The following DOCK4 variants were observed in gnomAD, a reference collection of about 807,000 sequenced individuals.
DOCK4 encodes the protein dedicator of cytokinesis 4, also known as dedicator of cytokinesis protein 4.
A neutral mutation model predicts 268.1 loss-of-function variants in DOCK4; 97 were observed. The observed-to-expected ratio is 0.36, with a 90% CI of 0.31 to 0.43. The LOEUF (loss-of-function observed/expected upper bound fraction) is 0.43. Among genes scored for constraint, DOCK4 ranks in the 20% least tolerant of loss-of-function variants. The pLI is 1.00. For synonymous variants in DOCK4, 954 were observed against 887.2 expected (o/e 1.08, Z -1.34); for missense variants, 2,145 against 2,455.7 (o/e 0.87, Z 2.67).
intron 1 of DOCK4, among the ~76,000 whole-genome samples, chr7:112,106,182 T>C (rs1438598317): frequency 6.6e-6 from 1 of 152,182 alleles, no homozygotes; most frequent in Non-Finnish European, 1.5e-5. Flanking sequence ...TAAATACAAG[T>C]CCTTTAGGCA....
intron 12 of DOCK4, among the ~76,000 whole-genome samples, chr7:111,918,690 ACATCATTACCAT>A (rs1274398334): frequency 6.6e-6 from 1 of 152,070 alleles, no homozygotes; most frequent in Non-Finnish European, 1.5e-5. Context: ...ATACTCACCC[ACATCATTACCAT>A]CATCATTAGC....
rs1292475415 is a variant in DOCK4 at position 112,116,312 on chromosome 7, C to T, written c.37+89790G>A. Among the ~76,000 whole-genome samples the T allele has an allele frequency of 3.3e-5, 5 of 152,152 alleles. No homozygotes were observed. The East Asian group carries it at 5.8e-4, about 18-fold the overall frequency. On this transcript the variant is annotated intron_variant, in intron 1 of 52. Transcript: ENST00000428084. ...ATTTCAATTGGCATAATGTTTTCAA[C>T]GTTCATTCAAGTTGTAGTATGTATC...
intron 12 of DOCK4, among the ~76,000 whole-genome samples, chr7:111,918,381 G>T (rs1030828442): frequency 2.0e-5 from 3 of 152,160 alleles, no homozygotes; most frequent in Non-Finnish European, 2.9e-5. Context: ...TCTGAGTTAG[G>T]TGACCGATGA....
At chr7:111,934,812 T>C (rs1794592168) in intron 12 of DOCK4, among the ~76,000 whole-genome samples, 1 of 151,662 alleles carries the variant, frequency 6.6e-6, no homozygotes, top group African/African-American at 2.4e-5. Context: ...GTGCTGGGAT[T>C]ACAGGCGTGA....
intron 52 of DOCK4, among the ~76,000 whole-genome samples, 194 bp downstream of exon 52, chr7:111,732,032 C>T (rs1795125035): frequency 6.6e-6 from 1 of 152,220 alleles, no homozygotes; most frequent in South Asian, 2.1e-4. Flanking sequence ...AAACAAATGG[C>T]TGCGTTTGTG....
rs111659073 is a variant in DOCK4, at chr7:111,807,473, C to CT, written c.3166+1347dup. 5.2e-3 allele frequency: 726 copies of CT among 140,296 alleles called. 3 individuals are homozygous for CT. The highest frequency in any genetic ancestry group is 0.011 in the Admixed American group (146 of 13,824). The allele number at this position is 140,296 out of a possible 1,614,324, so 8.7% of individuals were successfully genotyped here. On this transcript the variant is annotated intron_variant, in intron 30 of 52. Transcript: ENST00000428084. ...GAAGGTTGTTTTCAAGATGATAACT[C>CT]TTTTTTTTTTTTTTTTGAGTCAGAG...
chr7:111,861,301 T>G (rs1408392919), intron 23 of DOCK4, among the ~76,000 whole-genome samples: 1 of 151,824 alleles, frequency 6.6e-6, no homozygotes, highest in Non-Finnish European at 1.5e-5. Flanking sequence ...TTGTTTGAAG[T>G]GCTATTTCAG....
intron 1 of DOCK4, among the ~76,000 whole-genome samples, chr7:112,088,226 T>G (rs927696761): frequency 6.6e-6 from 1 of 152,104 alleles, no homozygotes; most frequent in African/African-American, 2.4e-5. Context: ...TTTTAATACA[T>G]GGTCATTCTT....
At chr7:112,121,866 A>G (rs1812761024) in intron 1 of DOCK4, among the ~76,000 whole-genome samples, 1 of 152,120 alleles carries the variant, frequency 6.6e-6, no homozygotes, top group African/African-American at 2.4e-5. Context: ...ATTATATCTG[A>G]TCTCTTATTA....
chr7:111,864,750 C>T (rs1010489588), intron 22 of DOCK4, among the ~76,000 whole-genome samples: 36 of 152,252 alleles, frequency 2.4e-4, no homozygotes, highest in African/African-American at 8.2e-4. Context: ...TTCTCCGTTA[C>T]AGCCTGCATT....
intron 23 of DOCK4, among the ~76,000 whole-genome samples, chr7:111,854,381 G>A (rs1028876779): frequency 2.6e-5 from 4 of 152,124 alleles, no homozygotes; most frequent in Non-Finnish European, 5.9e-5. Flanking sequence ...CTGCTCAATC[G>A]ATCACGACCC....
intron 23 of DOCK4, among the ~76,000 whole-genome samples, chr7:111,856,484 T>C (rs191069660): frequency 6.6e-6 from 1 of 152,394 alleles, no homozygotes; most frequent in Non-Finnish European, 1.5e-5. Flanking sequence ...TCTAGGTTCT[T>C]GGTTAAGAAC....
chr7:112,073,296 C>T (rs554087325), intron 1 of DOCK4, among the ~76,000 whole-genome samples: 2 of 152,110 alleles, frequency 1.3e-5, no homozygotes, highest in South Asian at 4.2e-4. Flanking sequence ...TGGGTATTTA[C>T]CCAATGGAAA....
chr7:111,755,614 A>G lies in DOCK4; in HGVS notation c.4330-13T>C, dbSNP rs780961772. The G allele has an allele frequency of 4.3e-6, 7 of 1,613,182 alleles. No individual in the cohort carries two copies. In the Middle Eastern group the frequency reaches 1.2e-3, roughly 266 times the overall value. On this transcript the variant is annotated splice_polypyrimidine_tract_variant and intron_variant, in intron 41 of 52. Transcript: ENST00000428084. Reference sequence around the variant, plus strand: ...CCACCCAGAGACTCTACAAAACACAAAACACATTAAGTCTCCCAAGTTGCC... The same window carrying G: ...CCACCCAGAGACTCTACAAAACACAGAACACATTAAGTCTCCCAAGTTGCC...
rs574614029 is a variant in DOCK4, at chr7:111,739,648, G to A, written c.5041-171C>T. 305 of 622,342 alleles carry A rather than the reference G, an allele frequency of 4.9e-4. No individual in the cohort carries two copies. The African/African-American group carries it at 5.1e-3, about 10-fold the overall frequency. 38.6% of individuals were successfully genotyped at this position (622,342 alleles called of 1,614,324 possible). A position where few individuals can be genotyped will look rare whatever the true frequency, so the allele number is the denominator to read the frequency against. On this transcript the variant is annotated intron_variant, in intron 47 of 52. Transcript: ENST00000428084. Reference sequence around the variant, plus strand: ...GACAAAGAAGTCTGCATGAATTAATGAAAAGTCTGAGATTTTGACTCCTGC... The same window carrying A: ...GACAAAGAAGTCTGCATGAATTAATAAAAAGTCTGAGATTTTGACTCCTGC...
chr7:111,915,749 C>T (rs747708145), intron 13 of DOCK4, 30 bp downstream of exon 13: 28 of 1,606,720 alleles, frequency 1.7e-5, no homozygotes, highest in Non-Finnish European at 3.4e-6. Context: ...ACCCATATTT[C>T]ATCATATCGG....
In DOCK4 at chr7:111,758,186, T is replaced by C. The variant is rs199546857; in HGVS notation, c.4329+438A>G. ...ACCAGCAGTCTACCCAACTGTTCTC[T>C]GTCTTCAGGAACTCCTTTTCTCTGT... is the stretch of plus-strand genomic sequence containing the variant. On this transcript the variant is annotated intron_variant, in intron 41 of 52. Transcript: ENST00000428084. Among the ~76,000 whole-genome samples, 29 of 152,348 alleles carry C rather than the reference T, an allele frequency of 1.9e-4. 1 individual carries two copies. The East Asian group carries it at 5.6e-3, about 29-fold the overall frequency.
intron 37 of DOCK4, among the ~76,000 whole-genome samples, chr7:111,767,752 G>A (rs1291792379): frequency 6.6e-6 from 1 of 152,246 alleles, no homozygotes; most frequent in East Asian, 1.9e-4. Flanking sequence ...CCTCAGTGCA[G>A]AGGAGAGAAT....
At chr7:111,764,072 A>G (rs1259465522) in intron 39 of DOCK4, among the ~76,000 whole-genome samples, 1 of 152,120 alleles carries the variant, frequency 6.6e-6, no homozygotes, top group African/African-American at 2.4e-5. Context: ...CGCCCACTAC[A>G]CTGTGTGGAG....
Sources: gnomAD v4.1 joint callset for allele counts (sites outside exome capture counted in the v4.1 genomes callset) on GRCh38, gnomAD v4.1.1 for gene constraint, MANE v1.5 for transcripts, NCBI Gene and HGNC (gene_info 2026-07-23, HGNC 2026-07-21) for gene names.